Variants in CLSTN3 observed in about 807,000 individuals in gnomAD.
The protein encoded by CLSTN3 is calsyntenin 3, also known as calsyntenin-3.
CLSTN3 carries 36 observed loss-of-function variants against 95.9 expected under a neutral mutation model. The ratio of observed to expected loss-of-function variants is 0.38; its 90% CI spans 0.29 to 0.50. CLSTN3 has a LOEUF of 0.50. Ranked by LOEUF, CLSTN3 falls within the 20% of genes least tolerant of loss-of-function variation. The pLI is 0.95. For missense variants in CLSTN3, 1,084 were observed against 1,268.8 expected (o/e 0.85, Z 2.21); for synonymous variants, 481 against 504.0 (o/e 0.95, Z 0.61).
At chr12:7,131,595 G>T (rs1591612298) in intron 1 of CLSTN3, among the ~76,000 whole-genome samples, 2 of 152,134 alleles carry the variant, frequency 1.3e-5, no homozygotes, top group South Asian at 2.1e-4. Context: ...GGGAGCAAAC[G>T]CAGAGACCGC....
intron 12 of CLSTN3, among the ~76,000 whole-genome samples, chr12:7,147,875 C>T (rs1339849486): frequency 6.6e-6 from 1 of 152,066 alleles, no homozygotes; most frequent in Non-Finnish European, 1.5e-5. Flanking sequence ...ATAATATGGG[C>T]CAGGTGCGGT....
chr12:7,158,715 A>T lies in CLSTN3; in HGVS notation c.*634A>T, dbSNP rs1591625015. 1 of 151,562 alleles carries T rather than the reference A, an allele frequency of 6.6e-6. No individual in the cohort carries two copies. Among genetic ancestry groups the T allele is most frequent in the Non-Finnish European group, 1.5e-5 (1 of 68,054 alleles). The allele number at this position is 151,562 out of a possible 1,614,324, so 9.4% of individuals were successfully genotyped here. A position where few individuals can be genotyped will look rare whatever the true frequency, so the allele number is the denominator to read the frequency against. ...GACCTGGTGTGGCCAGGCTGCGGGG[A>T]CGGGAGGGGACGTGGGGGCCCCGGG... is the stretch of plus-strand genomic sequence containing the variant. On this transcript the variant is annotated 3_prime_UTR_variant, in exon 18 of 18. Transcript: ENST00000266546.
chr12:7,151,162 A>G (rs1300969885), intron 16 of CLSTN3, 99 bp downstream of exon 16: 5 of 1,367,060 alleles, frequency 3.7e-6, no homozygotes, highest in Non-Finnish European at 4.8e-6. Context: ...AGGACAAGGT[A>G]GGTGGAGCAA....
chr12:7,136,291 A>T lies in CLSTN3; in HGVS notation c.828A>T (p.Pro276=). The T allele has an allele frequency of 7.4e-6, 12 of 1,613,932 alleles. No homozygotes were observed. Among genetic ancestry groups the T allele is most frequent in the Non-Finnish European group, 9.3e-6 (11 of 1,179,974 alleles). ...PGIRLETCDE[P]LWNIQATIEL... is the part of the protein sequence containing the mutation. ...TCCGCCTGGAGACCTGTGATGAACC[A>T]CTCTGGAACATTCAGGCCACCATAG... The change falls in exon 6 of 18, where the codon CCA becomes CCT. Residue 276 remains proline (P), a synonymous_variant. Coordinates refer to ENST00000266546, the MANE Select transcript of CLSTN3 (RefSeq NM_014718.4).
In CLSTN3 at chr12:7,158,403, A is replaced by T; in HGVS notation, c.*322A>T. 4 of 158,996 alleles carry T rather than the reference A, an allele frequency of 2.5e-5. No individual in the cohort carries two copies. Among genetic ancestry groups the T allele is most frequent in the Non-Finnish European group, 5.2e-5 (4 of 77,318 alleles). 9.8% of individuals were successfully genotyped at this position (158,996 alleles called of 1,614,324 possible). ...CCCCTTAGCACTCACTGTGTTGGGG[A>T]GAGGGTGACGATTGCAATGGCTGGG... is the stretch of plus-strand genomic sequence containing the variant. On this transcript the variant is annotated 3_prime_UTR_variant, in exon 18 of 18. Transcript: ENST00000266546.
At chr12:7,143,527 T>C (rs190732309) in intron 12 of CLSTN3, among the ~76,000 whole-genome samples, 19 of 152,266 alleles carry the variant, frequency 1.2e-4, no homozygotes, top group African/African-American at 4.3e-4. Context: ...ATCAATCTGT[T>C]ACTCTTTCTA....
chr12:7,143,829 G>A (rs918890075), intron 12 of CLSTN3, among the ~76,000 whole-genome samples: 6 of 152,200 alleles, frequency 3.9e-5, no homozygotes, highest in African/African-American at 1.4e-4. Context: ...ACACAGCAGT[G>A]CCCATTCATT....
At chr12:7,156,157 G>A (rs375071153) in intron 16 of CLSTN3, 7 of 397,864 alleles carry the variant, frequency 1.8e-5, no homozygotes, top group Admixed American at 2.9e-5. Context: ...CAACGGGACC[G>A]CCCAGGGAGG....
Position 7,137,084 on chromosome 12 carries a change from C to T in CLSTN3, c.1184C>T (p.Thr395Ile). ...TPNKGKKEEE[T>I]IVCNTVQNED... ...AACAAGGGCAAGAAGGAAGAGGAAA[C>T]CATCGTATGTAACACTGTCCAGAAT... The change falls in exon 7 of 18, where the codon ACC becomes ATC. Residue 395 changes from threonine (T) to isoleucine (I), a missense_variant. Thr to Ile is a moderately conservative substitution (Grantham distance 89, BLOSUM62 -1). Coordinates refer to ENST00000266546, the MANE Select transcript of CLSTN3 (RefSeq NM_014718.4). This position sits in a 1 kb window ranked among gnomAD's most constrained non-coding sequence, Gnocchi z 4.4. The T allele has an allele frequency of 1.9e-6, 3 of 1,613,524 alleles. No homozygotes were observed. Among genetic ancestry groups the T allele is most frequent in the Non-Finnish European group, 1.7e-6 (2 of 1,179,880 alleles).
upstream of CLSTN3, chr12:7,130,335 C>T (rs763709532): frequency 1.3e-4 from 142 of 1,109,072 alleles, no homozygotes; most frequent in Middle Eastern, 1.5e-3. Flanking sequence ...GATTGGCCGG[C>T]GGCCCCATCA....
chr12:7,136,898 C>T lies in CLSTN3; in HGVS notation c.998C>T (p.Ser333Leu), dbSNP rs769680335. 33 of 1,614,034 alleles carry T rather than the reference C, an allele frequency of 2.0e-5. No individual in the cohort carries two copies. In the East Asian group the frequency reaches 2.5e-4, roughly 12 times the overall value. The change falls in exon 7 of 18, where the codon TCG (serine) becomes TTG (leucine). Residue 333 changes from serine to leucine, a missense_variant. Coordinates refer to ENST00000266546, the MANE Select transcript of CLSTN3 (RefSeq NM_014718.4). ...GPNANWTAGL[S>L]VHYSQDSSLI... ...AATGCCAACTGGACAGCAGGACTCT[C>T]GGTGCACTACAGCCAGGACAGCAGC...
chr12:7,144,947 C>T (rs933235977), intron 12 of CLSTN3, among the ~76,000 whole-genome samples: 1 of 152,268 alleles, frequency 6.6e-6, no homozygotes, highest in African/African-American at 2.4e-5. Flanking sequence ...CCCGCCATGT[C>T]CCAGTCAGAG....
In CLSTN3 at chr12:7,149,594, G is replaced by T. The variant is rs1565653463; in HGVS notation, c.2146G>T (p.Asp716Tyr). 6 of 1,614,048 alleles carry T rather than the reference G, an allele frequency of 3.7e-6. No individual in the cohort carries two copies. Among genetic ancestry groups the T allele is most frequent in the Non-Finnish European group, 5.1e-6 (6 of 1,180,030 alleles). The change falls in exon 14 of 18, where the codon GAC becomes TAC. Residue 716 changes from aspartate (D) to tyrosine (Y), a missense_variant. Asp to Tyr is a radical substitution (Grantham distance 160). Coordinates refer to ENST00000266546, the MANE Select transcript of CLSTN3 (RefSeq NM_014718.4). The surrounding 1 kb of genome is among the most constrained non-coding windows in gnomAD (Gnocchi z 4.5). ...CTGTGAAATTTCTCTGGTGGGGGAT[G>T]ACCTGGATCCCGAGCGGGAAAGCCT... ...DGCEISLVGD[D>Y]LDPERESLLL...
rs1939455118 is a variant in CLSTN3, at chr12:7,137,787, TGTGTGTGTGA to T, written c.1211-166_1211-157del. Among the ~76,000 whole-genome samples, 1 of 117,200 alleles carries T rather than the reference TGTGTGTGTGA, an allele frequency of 8.5e-6. No individual in the cohort carries two copies. Among genetic ancestry groups the T allele is most frequent in the Middle Eastern group, 4.5e-3 (1 of 220 alleles). 76.9% of individuals were successfully genotyped at this position (117,200 alleles called of 152,430 possible). ...GTGTGTGTGTGTGTGTGTGTGTGTG[TGTGTGTGTGA>T]GAGAGAGAGAGAGAGAGAGAGAGAG... On this transcript the variant is annotated intron_variant, in intron 7 of 17. Coordinates refer to ENST00000266546, the MANE Select transcript of CLSTN3 (RefSeq NM_014718.4). The surrounding 1 kb of genome is among the most constrained non-coding windows in gnomAD (Gnocchi z 4.4).
At position 7,133,261 on chromosome 12, in the gene CLSTN3, A is replaced by G. The variant is rs776952208; in HGVS notation, c.187+115A>G. 4 of 1,384,084 alleles carry G rather than the reference A, an allele frequency of 2.9e-6. No homozygotes were observed. Among genetic ancestry groups the G allele is most frequent in the Non-Finnish European group, 2.0e-6 (2 of 1,009,802 alleles). 85.7% of individuals were successfully genotyped at this position (1,384,084 alleles called of 1,614,324 possible). ...GAGTGATGAGAAAGTAAGGGAAGATAAAAGTGGGCTCAAGGAGGGGAATGG... is the reference window on the plus strand; with the variant it reads ...GAGTGATGAGAAAGTAAGGGAAGATGAAAGTGGGCTCAAGGAGGGGAATGG... On this transcript the variant is annotated intron_variant, in intron 2 of 17. Transcript: ENST00000266546. This position sits in a 1 kb window ranked among gnomAD's most constrained non-coding sequence, Gnocchi z 4.7.
In CLSTN3 at chr12:7,133,483, A is replaced by G; in HGVS notation, c.188-90A>G. On this transcript the variant is annotated intron_variant, in intron 2 of 17. Transcript: ENST00000266546. The surrounding 1 kb of genome is among the most constrained non-coding windows in gnomAD (Gnocchi z 4.7). The stretch of plus-strand genomic sequence containing the variant: ...ACAGGAGAAGGGACAGGGCTTTGGG[A>G]GGAGAGGTGGAGCTGGACCCCAGGT... 7.9e-7 allele frequency: 1 copy of G among 1,260,280 alleles called. No homozygotes were observed. Among genetic ancestry groups the G allele is most frequent in the Non-Finnish European group, 1.1e-6 (1 of 874,972 alleles). The allele number at this position is 1,260,280 out of a possible 1,614,324, so 78.1% of individuals were successfully genotyped here.
At chr12:7,153,527 T>A (rs906632462) in intron 16 of CLSTN3, among the ~76,000 whole-genome samples, 1 of 152,202 alleles carries the variant, frequency 6.6e-6, no homozygotes, top group Non-Finnish European at 1.5e-5. Flanking sequence ...ATATAAGGCA[T>A]AACCAAGCTG....
intron 12 of CLSTN3, among the ~76,000 whole-genome samples, chr12:7,145,342 G>A (rs1449079860): frequency 4.1e-5 from 3 of 73,268 alleles, no homozygotes; most frequent in African/African-American, 1.3e-4. Context: ...AGAAAATATA[G>A]AGGGGTGTGT....
In CLSTN3 at chr12:7,149,225, C is replaced by A; in HGVS notation, c.2074+27C>A. 6.3e-7 allele frequency: 1 copy of A among 1,579,204 alleles called. No homozygotes were observed. On this transcript the variant is annotated intron_variant, in intron 13 of 17. Transcript: ENST00000266546. The surrounding 1 kb of genome is among the most constrained non-coding windows in gnomAD (Gnocchi z 4.5). ...TAAGGACGACTTCGGGGAGTAACAC[C>A]ATCCAGAGAACCAGCCAGTGTCTGG...
Sources: allele counts gnomAD v4.1 joint callset (sites outside exome capture counted in the v4.1 genomes callset), GRCh38; gene constraint gnomAD v4.1.1; non-coding constraint Gnocchi (gnomAD v3.1); transcripts MANE v1.5; gene names NCBI Gene and HGNC (gene_info 2026-07-23, HGNC 2026-07-21).